NOTCH2: variants seen among roughly 807,000 people sequenced by gnomAD.
NOTCH2 encodes the protein notch receptor 2, also known as neurogenic locus notch homolog protein 2.
A neutral mutation model predicts 235.8 loss-of-function variants in NOTCH2; 29 were observed. The observed-to-expected ratio is 0.12, with a 90% CI of 0.09 to 0.17. NOTCH2 has a LOEUF of 0.17. Ranked by LOEUF, NOTCH2 falls within the 10% of genes least tolerant of loss-of-function variation. The probability of loss-of-function intolerance (pLI) is 1.00; values close to 1 mark genes in which losing one functional copy is unlikely to be tolerated. For synonymous variants in NOTCH2, 1,086 were observed against 1,141.5 expected, an observed-to-expected ratio of 0.95 and a Z score of 0.98; for missense variants, 2,285 against 3,150.2, an observed-to-expected ratio of 0.73 and a Z score of 6.57.
chr1:119,954,163 C>A (rs1168689978), intron 13 of NOTCH2, among the ~76,000 whole-genome samples: 4 of 152,150 alleles, frequency 2.6e-5, no homozygotes, highest in African/African-American at 9.7e-5. Flanking sequence ...TAACACTTGG[C>A]TTCAGAAAGC....
chr1:120,006,337 T>C (rs1357442702), intron 2 of NOTCH2, among the ~76,000 whole-genome samples: 13 of 152,056 alleles, frequency 8.5e-5, no homozygotes, highest in Non-Finnish European at 1.6e-4. Context: ...AGATACCATA[T>C]AAACACCAAA....
rs1201229180 is a variant in NOTCH2 at position 119,969,496 on chromosome 1, CCTT to C, written c.1108+12_1108+14del. 6 of 1,611,378 alleles carry C rather than the reference CCTT, an allele frequency of 3.7e-6. No homozygotes were observed. Among genetic ancestry groups the C allele is most frequent in the Non-Finnish European group, 4.2e-6 (5 of 1,178,432 alleles). On this transcript the variant is annotated intron_variant, in intron 6 of 33. Coordinates refer to ENST00000256646, the MANE Select transcript of NOTCH2 (RefSeq NM_024408.4). Reference sequence around the variant, plus strand: ...GCCCCTTCCCTGTTTCTAGATCCGTCCTTCTGCTACCTACCTGCCTTCCCCTCT... The same window carrying C: ...GCCCCTTCCCTGTTTCTAGATCCGTCCTGCTACCTACCTGCCTTCCCCTCT...
chr1:120,002,287 G>T (rs1330482029), intron 3 of NOTCH2, among the ~76,000 whole-genome samples: 14 of 152,074 alleles, frequency 9.2e-5, no homozygotes, highest in African/African-American at 3.4e-4. Flanking sequence ...GGTAAGAAAG[G>T]CGTTACAGTG....
intron 3 of NOTCH2, among the ~76,000 whole-genome samples, chr1:119,999,951 GAAAGAA>G (rs1426810702): frequency 2.4e-5 from 3 of 126,392 alleles, no homozygotes; most frequent in East Asian, 2.2e-4. Context: ...AAGAAAGAAA[GAAAGAA>G]AGAAAGAAAG....
At chr1:120,002,667 T>G (rs1422340230) in intron 3 of NOTCH2, among the ~76,000 whole-genome samples, 2 of 141,650 alleles carry the variant, frequency 1.4e-5, no homozygotes, top group Non-Finnish European at 3.0e-5. Context: ...TCCTCAGTAT[T>G]TCCTCCTTCT....
In NOTCH2 at chr1:119,997,296, T is replaced by A; in HGVS notation, c.452A>T (p.His151Leu). 2 of 1,613,982 alleles carry A rather than the reference T, an allele frequency of 1.2e-6. No homozygotes were observed. The highest frequency in any genetic ancestry group is 2.2e-5 in the South Asian group (2 of 91,080). The change falls in exon 4 of 34, where the codon CAT (histidine) becomes CTT (leucine). Residue 151 changes from histidine to leucine, a missense_variant. Physicochemically the swap from His to Leu is moderately conservative, Grantham distance 99. Coordinates refer to ENST00000256646, the MANE Select transcript of NOTCH2 (RefSeq NM_024408.4). The stretch of plus-strand genomic sequence containing the variant: ...ACAGGTACTTCCATTTGCACAGGGA[T>A]GAGACAGGCAGGCATCCGTCCATTG... Reference protein sequence around the residue: ...ECQWTDACLSHPCANGSTCTT... With the variant: ...ECQWTDACLSLPCANGSTCTT...
In NOTCH2 at chr1:119,925,753, C is replaced by T. The variant is rs1649453228; in HGVS notation, c.4063G>A (p.Glu1355Lys). 5 of 1,614,068 alleles carry T rather than the reference C, an allele frequency of 3.1e-6. No homozygotes were observed. Among genetic ancestry groups the T allele is most frequent in the Non-Finnish European group, 4.2e-6 (5 of 1,179,990 alleles). Residue 1355 changes from glutamate (E) to lysine (K), a missense_variant, in exon 25 of 34, where the codon GAG (glutamate) becomes AAG (lysine). Around this residue, in one of 6 missense-constraint regions of NOTCH2, gnomAD observed 1,173 missense variants for 1,515.3 expected, o/e 0.77. Coordinates refer to ENST00000256646, the MANE Select transcript of NOTCH2 (RefSeq NM_024408.4). ...SCGQVKCRKG[E>K]QCVHTASGPR... ...CCAGAGGCGGTGTGCACACACTGCTCCCCCTTCCTACATTTCACTTGTCCA... is the reference window on the plus strand; with the variant it reads ...CCAGAGGCGGTGTGCACACACTGCTTCCCCTTCCTACATTTCACTTGTCCA...
chr1:119,916,471 A>T lies in NOTCH2; in HGVS notation c.6251T>A (p.Ile2084Asn), dbSNP rs757880322. The change falls in exon 34 of 34, where the codon ATC (isoleucine) becomes AAC (asparagine). Residue 2084 changes from isoleucine to asparagine, a missense_variant. By Grantham distance (149) the Ile-to-Asn change is moderately radical (BLOSUM62 -3). Around this residue, in one of 6 missense-constraint regions of NOTCH2, gnomAD observed 504 missense variants for 538.0 expected, o/e 0.94. Transcript: ENST00000256646. ...GAGGAAAGATCTGTTGGGCCCACAG[A>T]TGACAGGTGAGAGAGCAGAAGTCAA... ...TVLTSALSPV[I>N]CGPNRSFLSL... 2.9e-5 allele frequency: 47 copies of T among 1,612,892 alleles called. No individual in the cohort carries two copies. The highest frequency in any genetic ancestry group is 3.8e-5 in the Non-Finnish European group (45 of 1,178,992).
In NOTCH2 at chr1:120,038,817, CTT is replaced by C. The variant is rs1654422157; in HGVS notation, c.74-8832_74-8831del. On this transcript the variant is annotated intron_variant, in intron 1 of 33. Coordinates refer to ENST00000256646, the MANE Select transcript of NOTCH2 (RefSeq NM_024408.4). ...GAAAGTAGAATTGTACTTTTCTAAT[CTT>C]TGCAAAACTGAAACAGTTTTGAAAG... Among the ~76,000 whole-genome samples the C allele has an allele frequency of 6.6e-5, 10 of 151,138 alleles. No homozygotes were observed. The South Asian group carries it at 2.1e-3, about 32-fold the overall frequency.
intron 5 of NOTCH2, among the ~76,000 whole-genome samples, chr1:119,975,525 AG>A (rs1172887054): frequency 1.6e-4 from 24 of 152,190 alleles, no homozygotes; most frequent in African/African-American, 5.3e-4. Context: ...GCATGCCTGT[AG>A]TCCCAGCTAC....
Position 119,922,345 on chromosome 1 carries a change from G to A in NOTCH2, c.5104C>T (p.Arg1702Ter). Residue 1702 changes from arginine to a stop codon, truncating the protein, a stop_gained, in exon 28 of 34, where the codon CGA (arginine) becomes TGA (stop). Transcript: ENST00000256646. LOFTEE classifies it high-confidence loss of function. ...CAGAGAGAGCCATGCTTACGCTTTCGTTTTGCCATGATTACCCCCAGCAGA... is the reference window on the plus strand; with the variant it reads ...CAGAGAGAGCCATGCTTACGCTTTCATTTTGCCATGATTACCCCCAGCAGA... Reference protein sequence around the residue: ...IILLGVIMAKRKRKHGSLWLP... With the variant: ...IILLGVIMAK 1 of 1,614,088 alleles carries A rather than the reference G, an allele frequency of 6.2e-7. No homozygotes were observed. The highest frequency in any genetic ancestry group is 8.5e-7 in the Non-Finnish European group (1 of 1,180,026).
At chr1:119,987,636 G>T (rs1394006842) in intron 4 of NOTCH2, among the ~76,000 whole-genome samples, 13 of 152,126 alleles carry the variant, frequency 8.5e-5, no homozygotes, top group African/African-American at 3.1e-4. Context: ...TTCGTACATG[G>T]TAAGCTAAAG....
chr1:120,014,943 G>A (rs587615964), intron 2 of NOTCH2, among the ~76,000 whole-genome samples: 1 of 140,754 alleles, frequency 7.1e-6, no homozygotes, highest in African/African-American at 2.6e-5. Context: ...TGTATCAGCA[G>A]GGTGAGGCCA....
intron 2 of NOTCH2, among the ~76,000 whole-genome samples, chr1:120,012,582 T>C (rs1553207162): frequency 1.3e-5 from 2 of 151,716 alleles, no homozygotes; most frequent in African/African-American, 4.8e-5. Context: ...TTTTACATTA[T>C]ACTCATACAA....
rs1270173261 is a variant in NOTCH2 at position 119,915,546 on chromosome 1, A to G, written c.7176T>C (p.Tyr2392=). The change falls in exon 34 of 34, where the codon TAT becomes TAC. Residue 2392 remains tyrosine, a synonymous_variant. Transcript: ENST00000256646. The part of the protein sequence containing the change: ...KYPTPPSQHS[Y]ASSNAAERTP... ...TTCGCTCAGCAGCATTTGAGGAAGC[A>G]TAACTGTGCTGTGAAGGGGGTGTGG... The G allele has an allele frequency of 1.2e-6, 2 of 1,613,990 alleles. No individual in the cohort carries two copies. Among genetic ancestry groups the G allele is most frequent in the Admixed American group, 1.7e-5 (1 of 60,012 alleles).
chr1:119,913,096 G>A lies in NOTCH2; in HGVS notation c.*2210C>T. On this transcript the variant is annotated 3_prime_UTR_variant, in exon 34 of 34. Transcript: ENST00000256646. ...TGGTCCACAGAGGTCCATGCAGATA[G>A]GTTCTCCCCATCTGTGAATAATAAA... 1 of 233,324 alleles carries A rather than the reference G, an allele frequency of 4.3e-6. No homozygotes were observed. Among genetic ancestry groups the A allele is most frequent in the Middle Eastern group, 1.3e-3 (1 of 790 alleles). The allele number at this position is 233,324 out of a possible 1,614,324, so 14.5% of individuals were successfully genotyped here.
At chr1:120,037,968 C>T (rs1654379882) in intron 1 of NOTCH2, among the ~76,000 whole-genome samples, 1 of 151,924 alleles carries the variant, frequency 6.6e-6, no homozygotes, top group African/African-American at 2.4e-5. Flanking sequence ...AAAATCATTC[C>T]AGTTAGCTGA....
At chr1:120,000,490 T>G (rs327187) in intron 3 of NOTCH2, among the ~76,000 whole-genome samples, 2 of 132,018 alleles carry the variant, frequency 1.5e-5, no homozygotes, top group East Asian at 4.3e-4. Flanking sequence ...ACCGAGATTG[T>G]GCCCTGCACT....
At position 119,919,528 on chromosome 1, in the gene NOTCH2, AGAAGAG is replaced by A. The variant is rs761228335; in HGVS notation, c.5559_5564del (p.Ser1854_Ser1855del). The A allele has an allele frequency of 6.2e-7, 1 of 1,614,086 alleles. No individual in the cohort carries two copies. Among genetic ancestry groups the A allele is most frequent in the Non-Finnish European group, 8.5e-7 (1 of 1,180,038 alleles). On this transcript the variant is annotated inframe_deletion, in exon 31 of 34. Coordinates refer to ENST00000256646, the MANE Select transcript of NOTCH2 (RefSeq NM_024408.4). ...AGACCAAGTCTGTGATGATGTTAGC[AGAAGAG>A]TCCTCTGCATCTTCATCTTCATCAC...
Sources: gnomAD v4.1 joint callset for allele counts (sites outside exome capture counted in the v4.1 genomes callset) on GRCh38, gnomAD v4.1.1 for gene constraint, gnomAD v4.1.1 regional missense constraint, MANE v1.5 for transcripts, NCBI Gene and HGNC (gene_info 2026-07-23, HGNC 2026-07-21) for gene names.